PABIR2: variants seen among roughly 807,000 people sequenced by gnomAD.
PABIR2 encodes the protein family with sequence similarity 122B.
In PABIR2, 7 loss-of-function variants were observed where a neutral mutation model predicts 22.8. The observed-to-expected ratio is 0.31, with a 90% CI of 0.17 to 0.58. The LOEUF (loss-of-function observed/expected upper bound fraction) is 0.58. Among genes scored for constraint, PABIR2 ranks in the 20% least tolerant of loss-of-function variants. PABIR2 has a pLI of 0.89. For synonymous variants in PABIR2, 67 were observed against 73.8 expected, an observed-to-expected ratio of 0.91 and a Z score of 0.47; for missense variants, 155 against 205.1, an observed-to-expected ratio of 0.76 and a Z score of 1.49.
chrX:134,787,610 CTTTTTTTTTTTTT>C (rs1179720154), intron 6 of PABIR2, 77 bp from the exon 7 acceptor site: 4 of 294,086 alleles, frequency 1.4e-5, no homozygotes, highest in Middle Eastern at 1.2e-3. Context: ...AGTTTTCTTT[CTTTTTTTTTTTTT>C]TTTTTTTTTT....
intron 2 of PABIR2, among the ~76,000 whole-genome samples, chrX:134,790,904 A>C (rs767101689): frequency 7.9e-4 from 88 of 111,983 alleles, no homozygotes; most frequent in African/African-American, 2.8e-3. Context: ...CATTTAGAAA[A>C]CACCAAGCTA....
At chrX:134,787,419 G>A in intron 7 of PABIR2, 53 bp downstream of exon 7, 1 of 1,132,535 alleles carries the variant, frequency 8.8e-7, no homozygotes, top group South Asian at 1.8e-5. Flanking sequence ...TAATCTGAGA[G>A]ATAAATGTAA....
At chrX:134,777,784 C>T (rs1472808186) in intron 9 of PABIR2, among the ~76,000 whole-genome samples, 2 of 110,429 alleles carry the variant, frequency 1.8e-5, no homozygotes, top group East Asian at 2.9e-4. Context: ...TGCAGTGAGC[C>T]GAGATTGCAC....
chrX:134,780,785 A>G (rs752749331), intron 9 of PABIR2, among the ~76,000 whole-genome samples: 1 of 112,105 alleles, frequency 8.9e-6, no homozygotes, highest in African/African-American at 3.2e-5. Context: ...CTTCAGGTAT[A>G]GGAAAAGAAG....
chrX:134,783,586 G>A (rs778248101), intron 8 of PABIR2, among the ~76,000 whole-genome samples: 6 of 111,282 alleles, frequency 5.4e-5, no homozygotes, highest in African/African-American at 1.6e-4. Flanking sequence ...TTCTCTGGGC[G>A]TGGTGGTGTG....
Position 134,789,153 on chromosome X carries a change from A to C in PABIR2, c.279-14T>G. 8.2e-7 allele frequency: 1 copy of C among 1,212,246 alleles called. No homozygotes were observed. Among genetic ancestry groups the C allele is most frequent in the African/African-American group, 1.7e-5 (1 of 57,946 alleles). On this transcript the variant is annotated splice_polypyrimidine_tract_variant and intron_variant, in intron 4 of 9. Transcript: ENST00000343004. ...GTTTGCATTTCCCTAAAATAAACAA[A>C]GGGAAGGGCCGTCAGTGTTTACAAA...
In PABIR2 at chrX:134,772,251, CT is replaced by C. The variant is rs773651517; in HGVS notation, c.691del (p.Ser231ValfsTer19). 5.0e-6 allele frequency: 6 copies of C among 1,195,603 alleles called. No homozygotes were observed. In the South Asian group the frequency reaches 1.1e-4, roughly 22 times the overall value. On this transcript the variant is annotated frameshift_variant, in exon 10 of 10. Transcript: ENST00000343004. LOFTEE classifies it high-confidence loss of function. ...AGCCAGCGGGTCTGAGGATAAGCCA[CT>C]GCTGCTACTACTGCCATCCAAAATA... ...SDILDGSSSSSGLSSDPLAKG... is the reference protein window; with the variant it reads ...SDILDGSSSSXGLSSDPLAKG...
intron 9 of PABIR2, among the ~76,000 whole-genome samples, chrX:134,780,275 C>G (rs1023623478): frequency 8.9e-6 from 1 of 112,444 alleles, no homozygotes; most frequent in Admixed American, 9.4e-5. Context: ...CCCTCATGGG[C>G]TTTTTAAAAA....
At chrX:134,788,456 T>TAC (rs761979999) in intron 6 of PABIR2, among the ~76,000 whole-genome samples, 5 of 93,081 alleles carry the variant, frequency 5.4e-5, no homozygotes, top group Non-Finnish European at 9.6e-5. Flanking sequence ...GTGTTATATA[T>TAC]GTTATATATG....
At position 134,783,464 on chromosome X, in the gene PABIR2, C is replaced by T. The variant is rs765952610; in HGVS notation, c.563-1547G>A. Reference sequence around the variant, plus strand: ...ACGGTTGGCCAGGCACGGTGGCTCACGCCTGTAATCCCAGCATTTTGGGAG... The same window carrying T: ...ACGGTTGGCCAGGCACGGTGGCTCATGCCTGTAATCCCAGCATTTTGGGAG... On this transcript the variant is annotated intron_variant, in intron 8 of 9. Transcript: ENST00000343004. Among the ~76,000 whole-genome samples the T allele has an allele frequency of 4.4e-5, 5 of 112,478 alleles. No individual in the cohort carries two copies. The South Asian group carries it at 1.5e-3, about 33-fold the overall frequency.
Position 134,772,163 on chromosome X carries a change from C to T in PABIR2, c.780G>A (p.Leu260=), listed in dbSNP as rs2078850494. 2 of 1,202,086 alleles carry T rather than the reference C, an allele frequency of 1.7e-6. No homozygotes were observed. The highest frequency in any genetic ancestry group is 2.3e-4 in the Middle Eastern group (1 of 4,317). The part of the protein sequence containing the change: ...ACSNSCSSFI[L]MDDLSPK ...GTCACTTGGGTGAGAGATCATCCAT[C>T]AAGATGAACGAAGAGCATGAATTGG... Residue 260 remains leucine, a synonymous_variant, in exon 10 of 10, where the codon TTG becomes TTA. Coordinates refer to ENST00000343004, the MANE Select transcript of PABIR2 (RefSeq NM_001387468.1).
chrX:134,777,885 GTTTTTTTTTTTT>G (rs1246080322), intron 9 of PABIR2, among the ~76,000 whole-genome samples: 1 of 80,204 alleles, frequency 1.2e-5, no homozygotes, highest in African/African-American at 5.1e-5. Flanking sequence ...TGTTTGGTTG[GTTTTTTTTTTTT>G]TTTTTTTTTT....
At position 134,771,218 on chromosome X, in the gene PABIR2, A is replaced by G; in HGVS notation, c.*921T>C. On this transcript the variant is annotated 3_prime_UTR_variant, in exon 10 of 10. Coordinates refer to ENST00000343004, the MANE Select transcript of PABIR2 (RefSeq NM_001387468.1). ...TGTACCCCAAGGCACCTGAGGCCTC[A>G]TAATACCACTCGAGACACTGACAGC... The G allele has an allele frequency of 9.5e-7, 1 of 1,053,484 alleles. No homozygotes were observed. The allele number at this position is 1,053,484 out of a possible 1,213,427, so 86.8% of individuals were successfully genotyped here. A position where few individuals can be genotyped will look rare whatever the true frequency, so the allele number is the denominator to read the frequency against.
At chrX:134,791,739 A>G in intron 2 of PABIR2, 1 of 315,783 alleles carries the variant, frequency 3.2e-6, no homozygotes, top group South Asian at 2.8e-5. Context: ...AAGAAGGGTC[A>G]TCTGCTCAAA....
chrX:134,785,722 G>A (rs2079295171), intron 8 of PABIR2, among the ~76,000 whole-genome samples, 164 bp downstream of exon 8: 1 of 112,286 alleles, frequency 8.9e-6, no homozygotes, highest in African/African-American at 3.2e-5. Context: ...GATTACAGGC[G>A]TGAGCCACCA....
chrX:134,771,728 CAA>C lies in PABIR2; in HGVS notation c.*409_*410del, dbSNP rs937154686. The C allele has an allele frequency of 1.1e-5, 9 of 784,708 alleles. No individual in the cohort carries two copies. The African/African-American group carries it at 1.8e-4, about 16-fold the overall frequency. 64.7% of individuals were successfully genotyped at this position (784,708 alleles called of 1,213,427 possible). ...TTGAAACTATGTAGTCAACAGAGGACAAAAAAAAATCTCTCAAGCAAGAGAAT... is the reference window on the plus strand; with the variant it reads ...TTGAAACTATGTAGTCAACAGAGGACAAAAAAATCTCTCAAGCAAGAGAAT... On this transcript the variant is annotated 3_prime_UTR_variant, in exon 10 of 10. Transcript: ENST00000343004.
chrX:134,776,278 A>G, intron 9 of PABIR2, among the ~76,000 whole-genome samples: 1 of 112,524 alleles, frequency 8.9e-6, no homozygotes, highest in Non-Finnish European at 1.9e-5. Context: ...AATGTGTTAA[A>G]ACTATCACAT....
chrX:134,778,933 C>G, intron 9 of PABIR2, among the ~76,000 whole-genome samples: 1 of 110,841 alleles, frequency 9.0e-6, no homozygotes, highest in Non-Finnish European at 1.9e-5. Context: ...CCTGCCTCAG[C>G]CTCCCGAGTA....
Position 134,771,439 on chromosome X carries a change from G to C in PABIR2, c.*700C>G. On this transcript the variant is annotated 3_prime_UTR_variant, in exon 10 of 10. Transcript: ENST00000343004. The stretch of plus-strand genomic sequence containing the variant: ...ATCAACTGTGGTAGCAAAGTCATAA[G>C]AACCTGTGATGACTAATCCAAGCAT... 9.1e-7 allele frequency: 1 copy of C among 1,096,897 alleles called. No homozygotes were observed. 90.4% of individuals were successfully genotyped at this position (1,096,897 alleles called of 1,213,427 possible). A position where few individuals can be genotyped will look rare whatever the true frequency, so the allele number is the denominator to read the frequency against.
Sources: gnomAD v4.1 joint callset for allele counts (sites outside exome capture counted in the v4.1 genomes callset) on GRCh38, gnomAD v4.1.1 for gene constraint, MANE v1.5 for transcripts, NCBI Gene and HGNC (gene_info 2026-07-23, HGNC 2026-07-21) for gene names.